The following CCDC181 variants were observed in gnomAD, a reference collection of about 807,000 sequenced individuals.
CCDC181 encodes coiled-coil domain-containing protein 181.
Under a neutral mutation model 58.7 loss-of-function variants are expected in CCDC181, and 35 were observed. That is an observed-to-expected ratio of 0.60 (90% CI 0.46 to 0.79). The LOEUF is 0.79. CCDC181 is among the 30% of genes least tolerant of loss of function. CCDC181 has a pLI of 0.00. For synonymous variants in CCDC181, 183 were observed against 197.5 expected (o/e 0.93, Z 0.62); for missense variants, 517 against 583.9 (o/e 0.89, Z 1.18).
chr1:169,442,537 A>G (rs1390599651), intron 2 of CCDC181: 3 of 152,138 alleles, frequency 2.0e-5, no homozygotes, highest in Non-Finnish European at 2.9e-5. Context: ...AGGGAAAGAA[A>G]AGAGGTGAGA....
intron 4 of CCDC181, among the ~76,000 whole-genome samples, chr1:169,398,726 T>C (rs1655184903): frequency 6.6e-6 from 1 of 152,212 alleles, no homozygotes; most frequent in African/African-American, 2.4e-5. Flanking sequence ...TAATGGACAG[T>C]GCAAATACAG....
intron 2 of CCDC181, among the ~76,000 whole-genome samples, chr1:169,435,980 C>T (rs893657964): frequency 9.9e-5 from 15 of 152,246 alleles, no homozygotes; most frequent in Admixed American, 5.2e-4. Flanking sequence ...TTCCAGTTAT[C>T]TCAACCACCT....
chr1:169,407,008 C>A (rs1247998555), intron 4 of CCDC181, among the ~76,000 whole-genome samples: 1 of 137,102 alleles, frequency 7.3e-6, no homozygotes, highest in Non-Finnish European at 1.5e-5. Context: ...AGTCTTCTAA[C>A]ATACGTAAAA....
rs1338990778 is a variant in CCDC181, at chr1:169,421,378, TTC to T, written c.1051_1052del (p.Glu351LysfsTer22). On this transcript the variant is annotated frameshift_variant, in exon 3 of 6. Transcript: ENST00000367806. LOFTEE classifies it high-confidence loss of function. ...ELQKQLEEKREKLKREEERRK... is the reference protein window; with the variant it reads ...ELQKQLEEKRXKLKREEERRK... ...AGGTTCTCACCTCTCTTTTCAGTTT[TTC>T]TCTCTTTTCTTCTAGTTGTTTTTGT... is the stretch of plus-strand genomic sequence containing the variant. 3 of 1,607,002 alleles carry T rather than the reference TTC, an allele frequency of 1.9e-6. No homozygotes were observed. In the South Asian group the frequency reaches 3.3e-5, roughly 18 times the overall value.
chr1:169,458,762 C>T (rs1657751207), intron 2 of CCDC181, among the ~76,000 whole-genome samples: 2 of 152,000 alleles, frequency 1.3e-5, no homozygotes, highest in African/African-American at 4.8e-5. Context: ...TCATTAGACT[C>T]TTAATCTGTT....
chr1:169,448,754 T>C (rs901710103), intron 2 of CCDC181, among the ~76,000 whole-genome samples: 1 of 152,124 alleles, frequency 6.6e-6, no homozygotes, highest in African/African-American at 2.4e-5. Flanking sequence ...ATGTTTCTTC[T>C]GTCCCATTCA....
chr1:169,418,675 C>A, intron 4 of CCDC181: 1 of 298,800 alleles, frequency 3.3e-6, no homozygotes, highest in Non-Finnish European at 6.1e-6. Flanking sequence ...TTCTATACGT[C>A]TAGTCTTAAG....
intron 4 of CCDC181, among the ~76,000 whole-genome samples, chr1:169,412,608 A>G (rs1435933345): frequency 3.3e-5 from 5 of 152,174 alleles, no homozygotes; most frequent in African/African-American, 1.2e-4. Context: ...GGCATCATGG[A>G]CCTGACTTCA....
intron 4 of CCDC181, among the ~76,000 whole-genome samples, chr1:169,400,368 C>A (rs190118854): frequency 1.3e-5 from 2 of 152,124 alleles, no homozygotes; most frequent in African/African-American, 2.4e-5. Context: ...AAATTCAATA[C>A]CCTTTAAAGG....
intron 5 of CCDC181, among the ~76,000 whole-genome samples, chr1:169,395,628 T>C (rs1654977657): frequency 6.6e-6 from 1 of 152,318 alleles, no homozygotes; most frequent in East Asian, 1.9e-4. Context: ...GCTGCCTTAC[T>C]CTTCTTATAG....
intron 2 of CCDC181, among the ~76,000 whole-genome samples, chr1:169,440,283 C>A (rs1571511105): frequency 6.6e-6 from 1 of 152,352 alleles, no homozygotes; most frequent in East Asian, 1.9e-4. Flanking sequence ...AGGCGGATAC[C>A]AAACCACAGG....
chr1:169,441,187 A>G (rs1050591962), intron 2 of CCDC181, among the ~76,000 whole-genome samples: 1 of 152,162 alleles, frequency 6.6e-6, no homozygotes, highest in Non-Finnish European at 1.5e-5. Flanking sequence ...TTAAGTCTTT[A>G]ATGAATATTT....
intron 2 of CCDC181, among the ~76,000 whole-genome samples, chr1:169,438,283 A>G (rs929454769): frequency 6.6e-6 from 1 of 151,742 alleles, no homozygotes; most frequent in African/African-American, 2.4e-5. Flanking sequence ...CCACAAACAG[A>G]CTCACACAGA....
chr1:169,431,890 C>T (rs1244726583), upstream of CCDC181, among the ~76,000 whole-genome samples: 1 of 152,194 alleles, frequency 6.6e-6, no homozygotes, highest in Non-Finnish European at 1.5e-5. Context: ...TAAGCTTTTA[C>T]TCCTCCAGCT....
At chr1:169,417,788 G>A (rs527366707) in intron 4 of CCDC181, among the ~76,000 whole-genome samples, 1 of 152,128 alleles carries the variant, frequency 6.6e-6, no homozygotes, top group African/African-American at 2.4e-5. Flanking sequence ...CTGTTTGTCA[G>A]AAGCCAGGAT....
At chr1:169,395,311 T>C (rs1654954389) in intron 5 of CCDC181, 105 bp from the exon 6 acceptor site, 1 of 996,534 alleles carries the variant, frequency 1.0e-6, no homozygotes, top group Non-Finnish European at 1.4e-6. Flanking sequence ...TTCTTTACAA[T>C]GAAATACTGT....
At chr1:169,455,880 CTATT>C (rs1032893670) in intron 2 of CCDC181, among the ~76,000 whole-genome samples, 3 of 152,036 alleles carry the variant, frequency 2.0e-5, no homozygotes, top group Non-Finnish European at 4.4e-5. Context: ...GTTTTTAGAG[CTATT>C]TAAACAATCT....
At chr1:169,399,134 A>G (rs1056057991) in intron 4 of CCDC181, among the ~76,000 whole-genome samples, 5 of 152,188 alleles carry the variant, frequency 3.3e-5, no homozygotes, top group Admixed American at 2.6e-4. Context: ...ATGAGAAGCC[A>G]TTGGGGGTTT....
chr1:169,418,932 T>G, intron 4 of CCDC181, 81 bp downstream of exon 4: 1 of 1,156,058 alleles, frequency 8.7e-7, no homozygotes, highest in Non-Finnish European at 1.3e-6. Flanking sequence ...AGGCTGTTAG[T>G]CTGATATCCA....
Sources: allele counts gnomAD v4.1 joint callset (sites outside exome capture counted in the v4.1 genomes callset), GRCh38; gene constraint gnomAD v4.1.1; transcripts MANE v1.5; gene names NCBI Gene and HGNC (gene_info 2026-07-23, HGNC 2026-07-21).